MTMR3: variants seen among roughly 807,000 people sequenced by gnomAD.
MTMR3 encodes the protein phosphatidylinositol-3,5-bisphosphate 3-phosphatase MTMR3.
In MTMR3, 32 loss-of-function variants were observed where a neutral mutation model predicts 132.4. The observed-to-expected ratio is 0.24, with a 90% CI of 0.18 to 0.32. MTMR3 has a LOEUF of 0.32. Among genes scored for constraint, MTMR3 ranks in the 10% least tolerant of loss-of-function variants. MTMR3 has a pLI of 1.00. For missense variants in MTMR3, 1,216 were observed against 1,489.6 expected (o/e 0.82, Z 3.02); for synonymous variants, 556 against 550.3 (o/e 1.01, Z -0.14).
rs150464020 is a variant in MTMR3 at position 29,950,342 on chromosome 22, A to G, written c.-137-6694A>G. On this transcript the variant is annotated intron_variant, in intron 1 of 19. Coordinates refer to ENST00000401950, the MANE Select transcript of MTMR3 (RefSeq NM_021090.4). ...GTTTTTTCCTTAGGAGATAGGGAAC[A>G]TTTCTGTTTTTTATTTTTTTATTTA... Among the ~76,000 whole-genome samples, 680 of 150,998 alleles carry G rather than the reference A, an allele frequency of 4.5e-3. 6 individuals are homozygous for G. Among genetic ancestry groups the G allele is most frequent in the African/African-American group, 0.016 (642 of 41,322 alleles).
intron 1 of MTMR3, among the ~76,000 whole-genome samples, chr22:29,952,498 C>CA (rs2066103564): frequency 6.6e-6 from 1 of 151,548 alleles, no homozygotes. Context: ...TTATCTTTTT[C>CA]AATGCATGGT....
chr22:29,949,071 C>T (rs1209636332), intron 1 of MTMR3, among the ~76,000 whole-genome samples: 3 of 140,236 alleles, frequency 2.1e-5, no homozygotes, highest in African/African-American at 8.0e-5. Flanking sequence ...GCACTCTAGC[C>T]TGGGCGACAG....
chr22:29,898,265 T>C (rs557823510), intron 1 of MTMR3, among the ~76,000 whole-genome samples: 11 of 152,350 alleles, frequency 7.2e-5, no homozygotes, highest in African/African-American at 2.4e-4. Flanking sequence ...TCAAATTGGG[T>C]CAAGCTATAT....
At chr22:29,942,056 T>C (rs1013287301) in intron 1 of MTMR3, among the ~76,000 whole-genome samples, 4 of 152,276 alleles carry the variant, frequency 2.6e-5, no homozygotes, top group African/African-American at 9.6e-5. Context: ...ATGTTGACCC[T>C]TCTGTGACAC....
chr22:29,929,718 TAGTC>T (rs1469864497), intron 1 of MTMR3, among the ~76,000 whole-genome samples: 13 of 152,288 alleles, frequency 8.5e-5, no homozygotes, highest in African/African-American at 2.6e-4. Context: ...TTCACCGTGT[TAGTC>T]AGGATGGTCT....
intron 1 of MTMR3, among the ~76,000 whole-genome samples, chr22:29,909,100 C>T (rs2065158103): frequency 6.6e-6 from 1 of 151,880 alleles, no homozygotes; most frequent in Non-Finnish European, 1.5e-5. Context: ...AAGCCATCCT[C>T]CCAATTTAGC....
chr22:29,923,119 G>A (rs2065450686), intron 1 of MTMR3, among the ~76,000 whole-genome samples: 1 of 150,056 alleles, frequency 6.7e-6, no homozygotes, highest in Admixed American at 6.6e-5. Context: ...TCGGCTCACT[G>A]CAAGCTCCGC....
intron 1 of MTMR3, among the ~76,000 whole-genome samples, chr22:29,915,071 A>G (rs991040910): frequency 1.3e-5 from 2 of 152,132 alleles, no homozygotes; most frequent in Admixed American, 6.6e-5. Context: ...CATATGGTCT[A>G]TTGTGGTGAA....
intron 2 of MTMR3, among the ~76,000 whole-genome samples, chr22:29,958,798 C>G (rs1271881844): frequency 6.6e-6 from 1 of 152,184 alleles, no homozygotes; most frequent in Non-Finnish European, 1.5e-5. Flanking sequence ...TTTGAATTGT[C>G]AGTTCACAGA....
intron 2 of MTMR3, among the ~76,000 whole-genome samples, chr22:29,967,193 T>TTTTGTG (rs1491151076): frequency 7.0e-6 from 1 of 141,958 alleles, no homozygotes; most frequent in African/African-American, 2.7e-5. Context: ...TTCACCTCTG[T>TTTTGTG]TGTGTGTGTG....
chr22:30,006,997 A>G, intron 9 of MTMR3, 117 bp from the exon 10 acceptor site: 2 of 1,032,976 alleles, frequency 1.9e-6, no homozygotes, highest in Non-Finnish European at 2.8e-6. Flanking sequence ...GAGGACTTGA[A>G]GCTGACCCAA....
intron 2 of MTMR3, among the ~76,000 whole-genome samples, chr22:29,964,359 A>G (rs1344855172): frequency 6.6e-6 from 1 of 152,172 alleles, no homozygotes; most frequent in Non-Finnish European, 1.5e-5. Flanking sequence ...GTTATTTTAC[A>G]TAATACCCAG....
At chr22:29,977,278 CA>C (rs1278702764) in intron 3 of MTMR3, among the ~76,000 whole-genome samples, 2 of 152,072 alleles carry the variant, frequency 1.3e-5, no homozygotes, top group Non-Finnish European at 2.9e-5. Context: ...GGTGACAGAG[CA>C]AAACCCTGAC....
chr22:29,971,004 T>C lies in MTMR3; in HGVS notation c.-56T>C. The stretch of plus-strand genomic sequence containing the variant: ...TCACCATAAGGGAAAGAAGAGAGCC[T>C]TGTTGGACACTGAAGAAGGGACGGG... On this transcript the variant is annotated 5_prime_UTR_variant, in exon 3 of 20. Coordinates refer to ENST00000401950, the MANE Select transcript of MTMR3 (RefSeq NM_021090.4). 1 of 1,295,822 alleles carries C rather than the reference T, an allele frequency of 7.7e-7. No individual in the cohort carries two copies. Among genetic ancestry groups the C allele is most frequent in the East Asian group, 3.9e-5 (1 of 25,796 alleles). 80.3% of individuals were successfully genotyped at this position (1,295,822 alleles called of 1,614,324 possible).
At position 30,026,381 on chromosome 22, in the gene MTMR3, G is replaced by C. The variant is rs1238881987; in HGVS notation, c.*580G>C. 6.5e-6 allele frequency: 1 copy of C among 152,972 alleles called. No individual in the cohort carries two copies. Among genetic ancestry groups the C allele is most frequent in the Non-Finnish European group, 1.5e-5 (1 of 68,508 alleles). 9.5% of individuals were successfully genotyped at this position (152,972 alleles called of 1,614,324 possible). A position where few individuals can be genotyped will look rare whatever the true frequency, so the allele number is the denominator to read the frequency against. ...CCCTCACAGATGGATAAATGAGGCT[G>C]ATGTTTGGAGGGAGAGGCACACGGT... On this transcript the variant is annotated 3_prime_UTR_variant, in exon 20 of 20. Transcript: ENST00000401950.
chr22:29,925,471 G>A (rs1453844924), intron 1 of MTMR3, among the ~76,000 whole-genome samples: 2 of 151,912 alleles, frequency 1.3e-5, no homozygotes, highest in African/African-American at 4.8e-5. Context: ...AATTGCAGAG[G>A]CTCTTAAAAG....
chr22:30,019,626 C>T lies in MTMR3; in HGVS notation c.1967C>T (p.Pro656Leu). Residue 656 changes from proline (P) to leucine (L), a missense_variant, in exon 17 of 20, where the codon CCT becomes CTT. Pro to Leu is a moderately conservative substitution (Grantham distance 98, BLOSUM62 -3). Coordinates refer to ENST00000401950, the MANE Select transcript of MTMR3 (RefSeq NM_021090.4). ...CTAGAGCTGAGCAGCCTGGCTGGCC[C>T]TGGAGAGGATCCCCTTTCTGCCGAC... ...RSLELSSLAG[P>L]GEDPLSADSL... The T allele has an allele frequency of 2.5e-6, 4 of 1,614,188 alleles. No homozygotes were observed. Among genetic ancestry groups the T allele is most frequent in the Non-Finnish European group, 3.4e-6 (4 of 1,180,040 alleles).
intron 12 of MTMR3, chr22:30,011,375 GA>G (rs2067418501): frequency 6.6e-6 from 1 of 151,672 alleles, no homozygotes; most frequent in Admixed American, 6.6e-5. Context: ...CTGATACTCC[GA>G]AAGTGAGATG....
chr22:29,977,164 C>T (rs964653183), intron 3 of MTMR3, among the ~76,000 whole-genome samples: 26 of 152,078 alleles, frequency 1.7e-4, no homozygotes, highest in Middle Eastern at 3.4e-3. Context: ...TGGTGGTGGG[C>T]GCCTGTGGTC....
Sources: allele counts gnomAD v4.1 joint callset (sites outside exome capture counted in the v4.1 genomes callset), GRCh38; gene constraint gnomAD v4.1.1; transcripts MANE v1.5; gene names NCBI Gene and HGNC (gene_info 2026-07-23, HGNC 2026-07-21).